SHANK2: variants seen among roughly 807,000 people sequenced by gnomAD.
SHANK2 encodes SH3 and multiple ankyrin repeat domains protein 2.
In SHANK2, 43 loss-of-function variants were observed where a neutral mutation model predicts 133.7. The observed-to-expected ratio is 0.32, with a 90% CI of 0.25 to 0.41. The LOEUF (loss-of-function observed/expected upper bound fraction) is 0.41, where lower values mean the gene tolerates loss of function less well. Among genes scored for constraint, SHANK2 ranks in the 10% least tolerant of loss-of-function variants. The pLI, the probability that SHANK2 is intolerant of heterozygous loss-of-function variation, is 1.00. For synonymous variants in SHANK2, 1,017 were observed against 952.8 expected (o/e 1.07, Z -1.24); for missense variants, 1,994 against 2,235.8 (o/e 0.89, Z 2.18).
intron 13 of SHANK2, among the ~76,000 whole-genome samples, chr11:70,801,350 G>A (rs949040877): frequency 6.6e-5 from 10 of 152,210 alleles, no homozygotes; most frequent in East Asian, 3.9e-4. Context: ...TGTCAGGGGC[G>A]TAAAAAGAGC....
chr11:70,815,144 G>A (rs1948361599), intron 12 of SHANK2, among the ~76,000 whole-genome samples: 1 of 147,732 alleles, frequency 6.8e-6, no homozygotes, highest in African/African-American at 2.5e-5. Context: ...CTACCCTCCC[G>A]GACCAGCACC....
intron 4 of SHANK2, among the ~76,000 whole-genome samples, chr11:71,115,034 T>G (rs1043563994): frequency 6.6e-6 from 1 of 152,092 alleles, no homozygotes; most frequent in Admixed American, 6.5e-5. Context: ...CTCCAACATT[T>G]CATAAGCAGC....
In SHANK2 at chr11:70,826,409, G is replaced by C. The variant is rs781908762; in HGVS notation, c.1175-5727C>G. The C allele has an allele frequency of 2.8e-4, 132 of 469,416 alleles. 2 individuals are homozygous for C. The highest frequency in any genetic ancestry group is 9.8e-4 in the Middle Eastern group (3 of 3,056). The allele number at this position is 469,416 out of a possible 1,614,324, so 29.1% of individuals were successfully genotyped here. A position where few individuals can be genotyped will look rare whatever the true frequency, so the allele number is the denominator to read the frequency against. On this transcript the variant is annotated intron_variant, in intron 11 of 25. Coordinates refer to ENST00000601538, the MANE Select transcript of SHANK2 (RefSeq NM_012309.5). ...GAGTCCTCCCTCTCCCCCACCCCGA[G>C]AATCAGCAAGCAGCTGCTAATTCCC...
chr11:70,667,347 T>C (rs1183414655), intron 15 of SHANK2, among the ~76,000 whole-genome samples: 5 of 152,184 alleles, frequency 3.3e-5, no homozygotes, highest in Admixed American at 3.3e-4. Context: ...GGTCCCACTG[T>C]ATGCTGCAAG....
intron 2 of SHANK2, among the ~76,000 whole-genome samples, 167 bp downstream of exon 2, chr11:71,224,530 T>C (rs1954609419): frequency 6.6e-6 from 1 of 152,140 alleles, no homozygotes; most frequent in South Asian, 2.1e-4. Flanking sequence ...CCAAGGACAA[T>C]GCCATCCACC....
At chr11:70,662,398 G>A (rs757635473) in intron 15 of SHANK2, among the ~76,000 whole-genome samples, 159 of 152,304 alleles carry the variant, frequency 1.0e-3, no homozygotes, top group Non-Finnish European at 1.7e-3. Flanking sequence ...GCGAGCATCC[G>A]CAGGCTGGGC....
At chr11:71,196,811 A>G (rs1168674531) in intron 2 of SHANK2, among the ~76,000 whole-genome samples, 1 of 151,772 alleles carries the variant, frequency 6.6e-6, no homozygotes, top group Non-Finnish European at 1.5e-5. Flanking sequence ...CAGCCTGGCC[A>G]ACATGGTGAA....
Position 70,473,042 on chromosome 11 carries a change from C to A in SHANK2, c.5377G>T (p.Asp1793Tyr). 1.2e-6 allele frequency: 2 copies of A among 1,614,236 alleles called. No individual in the cohort carries two copies. ...CCCAAGTTTAGACTTTCCAGCCAAT[C>A]GGCCACATCTGGTTTAGTCCACAGG... ...VHLWTKPDVA[D>Y]WLESLNLGEH... is the part of the protein sequence containing the mutation. The change falls in exon 26 of 26, where the codon GAT becomes TAT. Residue 1793 changes from aspartate (D) to tyrosine (Y), a missense_variant. Physicochemically the swap from Asp to Tyr is radical, Grantham distance 160. This residue lies in a region of SHANK2 where 42 missense variants were observed against 79.9 expected (regional missense o/e 0.53). Transcript: ENST00000601538. The surrounding 1 kb of genome is among the most constrained non-coding windows in gnomAD (Gnocchi z 5.9).
intron 11 of SHANK2, among the ~76,000 whole-genome samples, chr11:70,824,170 C>A (rs1045125044): frequency 1.3e-5 from 2 of 151,900 alleles, no homozygotes. Flanking sequence ...CAGTTGTGAC[C>A]CGGCGCACCT....
At chr11:71,135,759 G>A (rs567530273) in intron 3 of SHANK2, among the ~76,000 whole-genome samples, 1 of 152,202 alleles carries the variant, frequency 6.6e-6, no homozygotes, top group East Asian at 1.9e-4. Context: ...CCCAGCCGGG[G>A]AGGACCTGAT....
chr11:70,884,965 C>T (rs1429289836), intron 11 of SHANK2, among the ~76,000 whole-genome samples: 1 of 152,320 alleles, frequency 6.6e-6, no homozygotes, highest in East Asian at 1.9e-4. Flanking sequence ...AGGCGATCCA[C>T]CCACCTCAGC....
At chr11:71,240,565 T>C (rs1954876004) in intron 1 of SHANK2, among the ~76,000 whole-genome samples, 1 of 152,084 alleles carries the variant, frequency 6.6e-6, no homozygotes, top group East Asian at 1.9e-4. Flanking sequence ...AGGTTACAAA[T>C]CCAGGCTGCC....
At chr11:71,243,905 C>T (rs1224897894) in intron 1 of SHANK2, among the ~76,000 whole-genome samples, 1 of 151,958 alleles carries the variant, frequency 6.6e-6, no homozygotes, top group African/African-American at 2.4e-5. Flanking sequence ...AAGCCTAGGC[C>T]CAGATGGCTT....
At chr11:71,152,152 G>A (rs745683067) in intron 2 of SHANK2, among the ~76,000 whole-genome samples, 15 of 152,104 alleles carry the variant, frequency 9.9e-5, no homozygotes, top group Non-Finnish European at 7.3e-5. Context: ...TCACTCTGTC[G>A]CCCAGGCCAG....
intron 17 of SHANK2, among the ~76,000 whole-genome samples, chr11:70,624,532 CAAA>C (rs71049929): frequency 4.3e-5 from 6 of 138,248 alleles, no homozygotes; most frequent in African/African-American, 5.5e-5. Context: ...CAACCTTCTT[CAAA>C]AAAAAAAAAA....
In SHANK2 at chr11:70,486,379, G is replaced by A. The variant is rs782557984; in HGVS notation, c.3914C>T (p.Thr1305Met). The A allele has an allele frequency of 1.9e-6, 3 of 1,613,912 alleles. No homozygotes were observed. Among genetic ancestry groups the A allele is most frequent in the East Asian group, 2.2e-5 (1 of 44,876 alleles). Reference protein sequence around the residue: ...KKNMLIDIMDTSQQKSAGLLM... With the variant: ...KKNMLIDIMDMSQQKSAGLLM... ...CAGGCCAGCCGACTTCTGCTGGGACGTGTCCATGATGTCGATCAGCATGTT... is the reference window on the plus strand; with the variant it reads ...CAGGCCAGCCGACTTCTGCTGGGACATGTCCATGATGTCGATCAGCATGTT... Residue 1305 changes from threonine (T) to methionine (M), a missense_variant, in exon 25 of 26, where the codon ACG becomes ATG. Coordinates refer to ENST00000601538, the MANE Select transcript of SHANK2 (RefSeq NM_012309.5). This position sits in a 1 kb window ranked among gnomAD's most constrained non-coding sequence, Gnocchi z 8.0.
intron 10 of SHANK2, among the ~76,000 whole-genome samples, chr11:70,930,790 C>T (rs1394525506): frequency 4.0e-5 from 6 of 151,248 alleles, no homozygotes; most frequent in African/African-American, 1.5e-4. Flanking sequence ...CCTGCCTCAC[C>T]CTCCCATGCA....
intron 3 of SHANK2, among the ~76,000 whole-genome samples, chr11:71,124,045 C>CA (rs2135290868): frequency 7.7e-6 from 1 of 129,912 alleles, no homozygotes; most frequent in East Asian, 2.4e-4. Context: ...GTAGTGGTGG[C>CA]AGTGATGGTG....
In SHANK2 at chr11:70,486,941, C is replaced by T. The variant is rs782063380; in HGVS notation, c.3352G>A (p.Ala1118Thr). The stretch of plus-strand genomic sequence containing the variant: ...AACATGGAGGGCCGCGTCCTGGGGG[C>T]GGGTGGCCCCAGGCCCACATCCTCA... The part of the protein sequence containing the change: ...GDEDVGLGPP[A>T]PRTRPSMFPE... The change falls in exon 25 of 26, where the codon GCC becomes ACC. Residue 1118 changes from alanine to threonine, a missense_variant. Coordinates refer to ENST00000601538, the MANE Select transcript of SHANK2 (RefSeq NM_012309.5). The surrounding 1 kb of genome is among the most constrained non-coding windows in gnomAD (Gnocchi z 8.0). 3.1e-6 allele frequency: 5 copies of T among 1,612,296 alleles called. No homozygotes were observed. Among genetic ancestry groups the T allele is most frequent in the Non-Finnish European group, 3.4e-6 (4 of 1,179,696 alleles).
Sources: allele counts gnomAD v4.1 joint callset (sites outside exome capture counted in the v4.1 genomes callset), GRCh38; gene constraint gnomAD v4.1.1; regional missense constraint gnomAD v4.1.1; non-coding constraint Gnocchi (gnomAD v3.1); transcripts MANE v1.5; gene names NCBI Gene and HGNC (gene_info 2026-07-23, HGNC 2026-07-21).